Variants in GBE1 observed in about 807,000 individuals in gnomAD.
GBE1 encodes 1,4-alpha-glucan branching enzyme 1, also known as 1,4-alpha-glucan-branching enzyme.
In GBE1, 70 loss-of-function variants were observed where a neutral mutation model predicts 88.8. The ratio of observed to expected loss-of-function variants is 0.79; its 90% confidence interval spans 0.65 to 0.96. The LOEUF (loss-of-function observed/expected upper bound fraction) is 0.96, where lower values mean the gene tolerates loss of function less well. GBE1 is among the 40% of genes least tolerant of loss of function. The pLI is 0.00. For synonymous variants in GBE1, 284 were observed against 300.1 expected, an observed-to-expected ratio of 0.95 and a Z score of 0.56; for missense variants, 872 against 871.0, an observed-to-expected ratio of 1.00 and a Z score of -0.01.
intron 1 of GBE1, among the ~76,000 whole-genome samples, chr3:81,741,037 C>T (rs1200899785): frequency 1.3e-5 from 2 of 152,022 alleles, no homozygotes; most frequent in African/African-American, 2.4e-5. Flanking sequence ...CTATTTATGG[C>T]TTATTCAAAT....
chr3:81,678,317 T>A (rs1195232005), intron 2 of GBE1, among the ~76,000 whole-genome samples: 1 of 152,182 alleles, frequency 6.6e-6, no homozygotes, highest in Non-Finnish European at 1.5e-5. Flanking sequence ...ACGCAGTCCC[T>A]CATCAACCAA....
At chr3:81,586,590 T>C (rs966452227) in intron 9 of GBE1, among the ~76,000 whole-genome samples, 1 of 152,176 alleles carries the variant, frequency 6.6e-6, no homozygotes, top group Non-Finnish European at 1.5e-5. Context: ...GTAGCCCTGA[T>C]AGGGAGTGTA....
intron 2 of GBE1, among the ~76,000 whole-genome samples, chr3:81,679,984 T>C (rs997006284): frequency 4.6e-5 from 7 of 152,282 alleles, no homozygotes; most frequent in Non-Finnish European, 1.0e-4. Flanking sequence ...TGGCCGCGCT[T>C]TCTCCTCATT....
chr3:81,652,962 T>C (rs1402364031), intron 3 of GBE1, among the ~76,000 whole-genome samples: 3 of 152,140 alleles, frequency 2.0e-5, no homozygotes, highest in Non-Finnish European at 2.9e-5. Context: ...GTCATTTAAC[T>C]CACAACCTCA....
intron 15 of GBE1, among the ~76,000 whole-genome samples, chr3:81,495,217 C>T (rs907765921): frequency 5.9e-5 from 9 of 152,042 alleles, no homozygotes; most frequent in African/African-American, 1.7e-4. Context: ...GATGAAACCT[C>T]GTCTCTACTA....
At chr3:81,637,016 A>C (rs1398388377) in intron 7 of GBE1, among the ~76,000 whole-genome samples, 2 of 152,168 alleles carry the variant, frequency 1.3e-5, no homozygotes, top group Non-Finnish European at 2.9e-5. Flanking sequence ...GAAACCATGG[A>C]TAATACCAAA....
chr3:81,499,570 A>T (rs1430851563), intron 14 of GBE1, among the ~76,000 whole-genome samples: 1 of 152,066 alleles, frequency 6.6e-6, no homozygotes, highest in Non-Finnish European at 1.5e-5. Context: ...AGATTATATT[A>T]TTTCTACCAA....
chr3:81,760,797 T>C (rs1291782685), intron 1 of GBE1, among the ~76,000 whole-genome samples: 1 of 152,238 alleles, frequency 6.6e-6, no homozygotes, highest in Non-Finnish European at 1.5e-5. Flanking sequence ...TTCTCAATGT[T>C]GATCCAAGGG....
intron 1 of GBE1, among the ~76,000 whole-genome samples, chr3:81,707,630 G>A (rs892884283): frequency 1.6e-4 from 25 of 151,870 alleles, no homozygotes; most frequent in Non-Finnish European, 3.1e-4. Flanking sequence ...ATGAGTGAAA[G>A]GGGGATGAAA....
intron 7 of GBE1, among the ~76,000 whole-genome samples, chr3:81,630,911 A>T (rs894408292): frequency 4.6e-5 from 7 of 152,158 alleles, no homozygotes; most frequent in Non-Finnish European, 8.8e-5. Flanking sequence ...AATATATAAG[A>T]TGTTCCCTAG....
rs148057767 is a variant in GBE1 at position 81,501,035 on chromosome 3, C to A, written c.1935-1808G>T. 2.2e-3 allele frequency among the ~76,000 whole-genome samples: 337 copies of A among 152,242 alleles called. 1 individual carries two copies. The highest frequency in any genetic ancestry group is 7.7e-3 in the African/African-American group (321 of 41,542). ...CTTATTACCTGGGTGACAAAAAAAT[C>A]TGTGCACCAAACCCCAACAACAGGC... On this transcript the variant is annotated intron_variant, in intron 14 of 15. Transcript: ENST00000429644.
intron 12 of GBE1, among the ~76,000 whole-genome samples, chr3:81,547,156 G>A (rs1217691508): frequency 4.6e-5 from 7 of 151,312 alleles, no homozygotes; most frequent in East Asian, 1.9e-4. Flanking sequence ...TGCATTAGAC[G>A]CCCAATTTAA....
At chr3:81,543,485 C>T (rs866599011) in intron 12 of GBE1, among the ~76,000 whole-genome samples, 23 of 152,126 alleles carry the variant, frequency 1.5e-4, no homozygotes, top group Middle Eastern at 6.8e-3. Flanking sequence ...TTCAAAGTGA[C>T]CTTGGGATAA....
chr3:81,537,168 A>G, intron 12 of GBE1, 73 bp from the exon 13 acceptor site: 1 of 951,468 alleles, frequency 1.1e-6, no homozygotes, highest in Non-Finnish European at 1.5e-6. Flanking sequence ...ATCAATAATT[A>G]TATGTTTTTA....
intron 1 of GBE1, among the ~76,000 whole-genome samples, chr3:81,750,682 T>A (rs56373887): frequency 1.4e-5 from 1 of 73,710 alleles, no homozygotes; most frequent in Non-Finnish European, 2.4e-5. Flanking sequence ...TACGTATATA[T>A]ATATATATAT....
At chr3:81,524,656 T>A (rs1032316451) in intron 14 of GBE1, among the ~76,000 whole-genome samples, 9 of 151,966 alleles carry the variant, frequency 5.9e-5, no homozygotes, top group African/African-American at 1.9e-4. Flanking sequence ...CACCGTCTAT[T>A]GAAGAAACTG....
In GBE1 at chr3:81,712,722, C is replaced by T. The variant is rs1399094004; in HGVS notation, c.144-7109G>A. ...AAATGACGAGTTAATGGGTGCAGCACACCAATATGGCACATGTATACATAT... is the reference window on the plus strand; with the variant it reads ...AAATGACGAGTTAATGGGTGCAGCATACCAATATGGCACATGTATACATAT... On this transcript the variant is annotated intron_variant, in intron 1 of 15. Coordinates refer to ENST00000429644, the MANE Select transcript of GBE1 (RefSeq NM_000158.4). 4.6e-5 allele frequency among the ~76,000 whole-genome samples: 7 copies of T among 152,050 alleles called. No individual in the cohort carries two copies. The South Asian group carries it at 1.5e-3, about 32-fold the overall frequency.
At chr3:81,504,504 T>C (rs1266232567) in intron 14 of GBE1, among the ~76,000 whole-genome samples, 1 of 151,948 alleles carries the variant, frequency 6.6e-6, no homozygotes, top group Non-Finnish European at 1.5e-5. Context: ...AATTTTTTAA[T>C]AGTTTTTTTT....
Position 81,578,045 on chromosome 3 carries a change from A to G in GBE1, c.1498T>C (p.Tyr500His). The G allele has an allele frequency of 1.9e-6, 3 of 1,609,920 alleles. No homozygotes were observed. The highest frequency in any genetic ancestry group is 2.5e-6 in the Non-Finnish European group (3 of 1,178,018). The change falls in exon 12 of 16, where the codon TAT becomes CAT. Residue 500 changes from tyrosine to histidine, a missense_variant. Transcript: ENST00000429644. ...LAFWLMDAEMYTNMSVLTPFT... is the reference protein window; with the variant it reads ...LAFWLMDAEMHTNMSVLTPFT... ...GGAGTCAGGACACTCATGTTTGTAT[A>G]CATTTCGGCATCCATCAACCAAAAT...
Sources: gnomAD v4.1 joint callset for allele counts (sites outside exome capture counted in the v4.1 genomes callset) on GRCh38, gnomAD v4.1.1 for gene constraint, MANE v1.5 for transcripts, NCBI Gene and HGNC (gene_info 2026-07-23, HGNC 2026-07-21) for gene names.